Variants in POLR1C observed in about 807,000 individuals in gnomAD.
The protein encoded by POLR1C is RNA polymerase I and III subunit C.
POLR1C carries 42 observed loss-of-function variants against 38.3 expected under a neutral mutation model. The observed-to-expected ratio is 1.10, with a 90% CI of 0.86 to 1.42. POLR1C has a LOEUF of 1.42. Among genes scored for constraint, POLR1C ranks in the 40% most tolerant of loss-of-function variants. The pLI, the probability that POLR1C is intolerant of heterozygous loss-of-function variation, is 0.00. For missense variants in POLR1C, 507 were observed against 450.5 expected (o/e 1.13, Z -1.14); for synonymous variants, 163 against 163.9 (o/e 0.99, Z 0.04).
chr6:43,549,773 A>T (rs1795140549), intron 9 of POLR1C: 1 of 1,226,090 alleles, frequency 8.2e-7, no homozygotes, highest in African/African-American at 1.5e-5. Flanking sequence ...AACAACATAT[A>T]TGATAATCTA....
chr6:43,544,965 C>T (rs886435633), intron 9 of POLR1C, among the ~76,000 whole-genome samples: 6 of 152,192 alleles, frequency 3.9e-5, no homozygotes, highest in South Asian at 2.1e-4. Context: ...CTCCGCCTCC[C>T]GGGTTCAAGC....
At chr6:43,553,267 A>C (rs1795338040) in intron 10 of POLR1C, 4 of 1,389,480 alleles carry the variant, frequency 2.9e-6, no homozygotes, top group African/African-American at 2.9e-5. Flanking sequence ...GTGCCACTGC[A>C]TTTCAGCCTG....
At chr6:43,531,447 G>A, downstream of POLR1C, 1 of 1,586,652 alleles carries the variant, frequency 6.3e-7, no homozygotes, top group Middle Eastern at 1.7e-4. Context: ...TATCGAGGAA[G>A]AAAATATGGA....
rs747848622 is a variant in POLR1C at position 43,521,055 on chromosome 6, A to G, written c.922+7A>G. On this transcript the variant is annotated splice_region_variant and intron_variant, in intron 8 of 8. Transcript: ENST00000642195. ...GTTCGAGATCATTATATCTGTGAGT[A>G]TGAAGTGGTGAGATGAGTGGGCAGT... 6.2e-6 allele frequency: 10 copies of G among 1,610,214 alleles called. No homozygotes were observed. The highest frequency in any genetic ancestry group is 7.6e-6 in the Non-Finnish European group (9 of 1,176,556).
At chr6:43,522,092 G>C (rs185860429), downstream of POLR1C, among the ~76,000 whole-genome samples, 1 of 152,314 alleles carries the variant, frequency 6.6e-6, no homozygotes, top group African/African-American at 2.4e-5. Flanking sequence ...AAGAACAGTA[G>C]CAATTCCTGT....
At chr6:43,548,287 G>A in intron 9 of POLR1C, 2 of 1,611,612 alleles carry the variant, frequency 1.2e-6, no homozygotes, top group African/African-American at 1.3e-5. Context: ...AAAGCCAGAT[G>A]CTGGCCACTG....
At chr6:43,524,811 C>T, downstream of POLR1C, 1 of 1,612,332 alleles carries the variant, frequency 6.2e-7, no homozygotes, top group Non-Finnish European at 8.5e-7. Context: ...CCATCCTTCC[C>T]CCATGCCTTC....
intron 9 of POLR1C, among the ~76,000 whole-genome samples, chr6:43,540,932 G>A (rs78876397): frequency 2.0e-5 from 3 of 150,230 alleles, no homozygotes; most frequent in Non-Finnish European, 4.4e-5. Context: ...AAAAAAAAAA[G>A]AGATCTTGTC....
At chr6:43,535,959 C>T (rs865828328) in intron 9 of POLR1C, among the ~76,000 whole-genome samples, 2 of 151,550 alleles carry the variant, frequency 1.3e-5, no homozygotes, top group African/African-American at 4.9e-5. Flanking sequence ...CCTGTCTCTA[C>T]TAAAAATATA....
At chr6:43,555,816 C>G in intron 10 of POLR1C, 2 of 1,613,454 alleles carry the variant, frequency 1.2e-6, no homozygotes, top group South Asian at 2.2e-5. Flanking sequence ...CACTAACATT[C>G]AGTAATGAAA....
At chr6:43,549,082 T>C (rs1038599576) in intron 9 of POLR1C, among the ~76,000 whole-genome samples, 1 of 152,192 alleles carries the variant, frequency 6.6e-6, no homozygotes, top group Admixed American at 6.5e-5. Flanking sequence ...TATTTATTTT[T>C]GAGATGGAGT....
chr6:43,520,462 T>C (rs767519615), intron 6 of POLR1C, 35 bp downstream of exon 6: 14 of 1,612,202 alleles, frequency 8.7e-6, no homozygotes, highest in Non-Finnish European at 1.2e-5. Context: ...GGAAGGGGGA[T>C]AGTTCGGTTG....
At chr6:43,561,610 C>G (rs1762422054) in exon 11 of POLR1C, 1 of 152,990 alleles carries the variant, frequency 6.5e-6, no homozygotes, top group Non-Finnish European at 1.5e-5. Context: ...AACTCTTGAC[C>G]TCAGGTGATC....
intron 10 of POLR1C, chr6:43,553,354 A>G (rs1795344230): frequency 1.2e-6 from 2 of 1,601,412 alleles, no homozygotes; most frequent in Non-Finnish European, 1.7e-6. Flanking sequence ...TGCAGTCAGC[A>G]TGGGAAATAA....
At chr6:43,557,250 C>T in intron 10 of POLR1C, among the ~76,000 whole-genome samples, 1 of 151,406 alleles carries the variant, frequency 6.6e-6, no homozygotes, top group South Asian at 2.1e-4. Flanking sequence ...CACAGTGAAA[C>T]CCTGTCTCTA....
At chr6:43,531,367 C>T, downstream of POLR1C, 2 of 945,604 alleles carry the variant, frequency 2.1e-6, no homozygotes, top group Non-Finnish European at 3.3e-6. Flanking sequence ...AGTTTCCTAT[C>T]AAACTCTTGC....
intron 9 of POLR1C, among the ~76,000 whole-genome samples, chr6:43,543,586 G>T (rs905066508): frequency 4.6e-5 from 7 of 151,594 alleles, no homozygotes; most frequent in African/African-American, 1.2e-4. Flanking sequence ...ACATGAATGT[G>T]TCCACTTTGT....
At chr6:43,517,748 A>G (rs1374598889) in intron 2 of POLR1C, among the ~76,000 whole-genome samples, 2 of 152,228 alleles carry the variant, frequency 1.3e-5, no homozygotes, top group African/African-American at 4.8e-5. Flanking sequence ...AATGGTAAGT[A>G]AAAAAGAACA....
chr6:43,552,091 A>C (rs989239554), intron 10 of POLR1C, among the ~76,000 whole-genome samples: 1 of 152,108 alleles, frequency 6.6e-6, no homozygotes, highest in East Asian at 1.9e-4. Flanking sequence ...TTATTTATAT[A>C]TCACTCTTGG....
Sources: gnomAD v4.1 joint callset for allele counts (sites outside exome capture counted in the v4.1 genomes callset) on GRCh38, gnomAD v4.1.1 for gene constraint, MANE v1.5 for transcripts, NCBI Gene and HGNC (gene_info 2026-07-23, HGNC 2026-07-21) for gene names.